ERBB4: variants seen among roughly 807,000 people sequenced by gnomAD.
The protein encoded by ERBB4 is erb-b2 receptor tyrosine kinase 4.
Under a neutral mutation model 158.0 loss-of-function variants are expected in ERBB4, and 42 were observed. The ratio of observed to expected loss-of-function variants is 0.27; its 90% CI spans 0.21 to 0.34. The LOEUF (loss-of-function observed/expected upper bound fraction) is 0.34. Ranked by LOEUF, ERBB4 falls within the 10% of genes least tolerant of loss-of-function variation. ERBB4 has a pLI of 1.00. For missense variants in ERBB4, 1,333 were observed against 1,624.1 expected (o/e 0.82, Z 3.08); for synonymous variants, 583 against 558.7 (o/e 1.04, Z -0.61).
chr2:212,101,363 A>G (rs2079078037), intron 2 of ERBB4, among the ~76,000 whole-genome samples: 1 of 149,402 alleles, frequency 6.7e-6, no homozygotes, highest in South Asian at 2.1e-4. Flanking sequence ...ATATATATAT[A>G]TATGTATATG....
rs61318918 is a variant in ERBB4 at position 211,662,038 on chromosome 2, C to CAAAA, written c.1871+3281_1871+3284dup. The stretch of plus-strand genomic sequence containing the variant: ...TGGGCGACAGAGCGGGACTCCGTCT[C>CAAAA]AAAAAAAAAAAAAAAAAAAAAAAAA... On this transcript the variant is annotated intron_variant, in intron 15 of 27. Coordinates refer to ENST00000342788, the MANE Select transcript of ERBB4 (RefSeq NM_005235.3). Among the ~76,000 whole-genome samples, 20 of 39,702 alleles carry CAAAA rather than the reference C, an allele frequency of 5.0e-4. 2 individuals carry two copies. The highest frequency in any genetic ancestry group is 4.8e-3 in the East Asian group (3 of 628). 26.0% of individuals were successfully genotyped at this position (39,702 alleles called of 152,430 possible). A position where few individuals can be genotyped will look rare whatever the true frequency, so the allele number is the denominator to read the frequency against.
chr2:211,451,094 A>G (rs2064235003), intron 20 of ERBB4, among the ~76,000 whole-genome samples: 1 of 152,236 alleles, frequency 6.6e-6, no homozygotes, highest in African/African-American at 2.4e-5. Context: ...AGCAATAAAC[A>G]AAAGAAAAAC....
intron 18 of ERBB4, 22 bp downstream of exon 18, chr2:211,623,900 A>T (rs775428503): frequency 2.5e-6 from 4 of 1,612,920 alleles, no homozygotes; most frequent in Non-Finnish European, 3.4e-6. Context: ...TTAACTAACG[A>T]TATGCGTTGT....
At chr2:211,409,241 C>G (rs867529309) in intron 25 of ERBB4, among the ~76,000 whole-genome samples, 5 of 151,936 alleles carry the variant, frequency 3.3e-5, no homozygotes, top group Non-Finnish European at 7.4e-5. Context: ...ACCATGTAAC[C>G]TGGAAGTCTC....
chr2:211,567,762 G>A (rs562377834), intron 19 of ERBB4, among the ~76,000 whole-genome samples: 4 of 148,146 alleles, frequency 2.7e-5, no homozygotes, highest in African/African-American at 9.9e-5. Context: ...AAAGAAAAAC[G>A]AACAAGACAC....
chr2:212,511,773 C>T (rs1691533213), intron 1 of ERBB4, among the ~76,000 whole-genome samples: 1 of 150,986 alleles, frequency 6.6e-6, no homozygotes, highest in Non-Finnish European at 1.5e-5. Context: ...AATAATTTGG[C>T]CATAAACGTG....
chr2:211,784,584 G>A (rs112191723), intron 4 of ERBB4, among the ~76,000 whole-genome samples: 2 of 152,066 alleles, frequency 1.3e-5, no homozygotes, highest in African/African-American at 2.4e-5. Flanking sequence ...ATATCTCATT[G>A]AGAACCTGCA....
chr2:212,178,152 T>C (rs1036607483), intron 1 of ERBB4, among the ~76,000 whole-genome samples: 8 of 151,792 alleles, frequency 5.3e-5, no homozygotes, highest in Non-Finnish European at 1.0e-4. Context: ...TTATTGTCTA[T>C]GTTAAAGATT....
chr2:211,612,747 G>A (rs921511569), intron 19 of ERBB4, among the ~76,000 whole-genome samples: 1 of 152,062 alleles, frequency 6.6e-6, no homozygotes, highest in Non-Finnish European at 1.5e-5. Flanking sequence ...TAAAAAGTAG[G>A]GAGATCAAAT....
In ERBB4 at chr2:211,915,435, T is replaced by TTATA. The variant is rs1289522405; in HGVS notation, c.421+31994_421+31995insTATA. 2.9e-3 allele frequency among the ~76,000 whole-genome samples: 389 copies of TTATA among 135,522 alleles called. 1 individual carries two copies. Among genetic ancestry groups the TTATA allele is most frequent in the African/African-American group, 0.012 (356 of 30,490 alleles). The allele number at this position is 135,522 out of a possible 152,430, so 88.9% of individuals were successfully genotyped here. A position where few individuals can be genotyped will look rare whatever the true frequency, so the allele number is the denominator to read the frequency against. On this transcript the variant is annotated intron_variant, in intron 3 of 27. Transcript: ENST00000342788. ...AAGGCAAACTAACAGAGTTCAAACA[T>TTATA]TACATATATATATATATATATCTCC... is the stretch of plus-strand genomic sequence containing the variant.
chr2:211,973,338 A>G (rs1163641284), intron 2 of ERBB4, among the ~76,000 whole-genome samples: 2 of 151,812 alleles, frequency 1.3e-5, no homozygotes, highest in African/African-American at 4.8e-5. Context: ...AGTAGCTGGG[A>G]CTACAGGTGC....
chr2:211,541,663 C>G (rs1278170221), intron 20 of ERBB4, among the ~76,000 whole-genome samples: 2 of 152,002 alleles, frequency 1.3e-5, no homozygotes, highest in African/African-American at 4.8e-5. Context: ...AATGAGGAAG[C>G]TTATAGCTGT....
At chr2:211,940,873 C>T (rs1455492291) in intron 3 of ERBB4, among the ~76,000 whole-genome samples, 1 of 152,106 alleles carries the variant, frequency 6.6e-6, no homozygotes, top group Non-Finnish European at 1.5e-5. Flanking sequence ...TCTATAAATC[C>T]ACTCATCAGT....
At chr2:212,039,440 C>A (rs765843242) in intron 2 of ERBB4, among the ~76,000 whole-genome samples, 4 of 152,050 alleles carry the variant, frequency 2.6e-5, no homozygotes, top group Admixed American at 6.6e-5. Flanking sequence ...TACATTTTGC[C>A]TCTTTAATGC....
At chr2:212,245,286 G>C (rs963933824) in intron 1 of ERBB4, among the ~76,000 whole-genome samples, 2 of 152,118 alleles carry the variant, frequency 1.3e-5, no homozygotes, top group Admixed American at 6.6e-5. Flanking sequence ...GGATGTATAT[G>C]TGCCAAAAGC....
chr2:212,371,852 G>C (rs2090099248), intron 1 of ERBB4, among the ~76,000 whole-genome samples: 1 of 152,124 alleles, frequency 6.6e-6, no homozygotes, highest in Non-Finnish European at 1.5e-5. Flanking sequence ...AAAAAAGCAT[G>C]AAAGTGATGA....
intron 3 of ERBB4, among the ~76,000 whole-genome samples, chr2:211,829,189 C>A (rs1049931474): frequency 6.6e-6 from 1 of 152,158 alleles, no homozygotes; most frequent in African/African-American, 2.4e-5. Flanking sequence ...CTTCCATTAA[C>A]CCGTCCCTAT....
chr2:212,294,505 C>G (rs1479350858), intron 1 of ERBB4, among the ~76,000 whole-genome samples: 1 of 151,774 alleles, frequency 6.6e-6, no homozygotes, highest in Non-Finnish European at 1.5e-5. Flanking sequence ...ATTATATATA[C>G]AAAACTGTAT....
intron 2 of ERBB4, among the ~76,000 whole-genome samples, chr2:212,101,313 C>A (rs1012602172): frequency 6.7e-6 from 1 of 148,560 alleles, no homozygotes; most frequent in Non-Finnish European, 1.5e-5. Context: ...ATGTGTTTTG[C>A]ATTTGGATCA....
Sources: gnomAD v4.1 joint callset for allele counts (sites outside exome capture counted in the v4.1 genomes callset) on GRCh38, gnomAD v4.1.1 for gene constraint, MANE v1.5 for transcripts, NCBI Gene and HGNC (gene_info 2026-07-23, HGNC 2026-07-21) for gene names.